The following GLIS3 variants were observed in gnomAD, a reference collection of about 807,000 sequenced individuals.
GLIS3 encodes GLIS family zinc finger 3, also known as zinc finger protein GLIS3.
Under a neutral mutation model 78.6 loss-of-function variants are expected in GLIS3, and 53 were observed. The observed-to-expected ratio is 0.67, with a 90% confidence interval of 0.54 to 0.85. GLIS3 has a LOEUF of 0.85. Among genes scored for constraint, GLIS3 ranks in the 40% least tolerant of loss-of-function variants. The pLI is 0.00. For synonymous variants in GLIS3, 684 were observed against 509.9 expected (o/e 1.34, Z -4.60); for missense variants, 1,703 against 1,231.1 (o/e 1.38, Z -5.74).
intron 2 of GLIS3, among the ~76,000 whole-genome samples, chr9:4,318,811 C>T (rs1452197424): frequency 6.6e-6 from 1 of 152,178 alleles, no homozygotes; most frequent in Non-Finnish European, 1.5e-5. Context: ...TGTTGGTGAA[C>T]AGGATATTTT....
At chr9:4,021,739 G>T (rs1380457099) in intron 4 of GLIS3, among the ~76,000 whole-genome samples, 1 of 152,148 alleles carries the variant, frequency 6.6e-6, no homozygotes, top group Non-Finnish European at 1.5e-5. Flanking sequence ...GAAGTATCCA[G>T]GTATTCTGTC....
At chr9:4,273,199 T>C (rs1336711882) in intron 2 of GLIS3, among the ~76,000 whole-genome samples, 9 of 151,988 alleles carry the variant, frequency 5.9e-5, no homozygotes, top group Non-Finnish European at 1.0e-4. Flanking sequence ...GGCCTTCTTG[T>C]GCAGCGCAGT....
intron 2 of GLIS3, among the ~76,000 whole-genome samples, chr9:4,257,740 AT>A (rs1433968502): frequency 2.6e-5 from 4 of 151,534 alleles, no homozygotes; most frequent in African/African-American, 9.7e-5. Context: ...CGCCCGGCTA[AT>A]TTTTTTTATT....
At chr9:4,206,719 G>T (rs1819914398) in intron 2 of GLIS3, among the ~76,000 whole-genome samples, 1 of 152,192 alleles carries the variant, frequency 6.6e-6, no homozygotes, top group Non-Finnish European at 1.5e-5. Context: ...GAAAAATGCA[G>T]AATTGTGGTA....
At chr9:4,234,634 C>T (rs1822552549) in intron 2 of GLIS3, among the ~76,000 whole-genome samples, 1 of 152,092 alleles carries the variant, frequency 6.6e-6, no homozygotes, top group Non-Finnish European at 1.5e-5. Flanking sequence ...GACACAGAGA[C>T]ATGAAGTGAG....
chr9:4,287,908 T>C (rs2130359730), intron 1 of GLIS3, among the ~76,000 whole-genome samples: 1 of 152,354 alleles, frequency 6.6e-6, no homozygotes, highest in South Asian at 2.1e-4. Context: ...ATATAAAATG[T>C]AGAATGTTTT....
chr9:4,423,450 C>G, the GLIS3 span, among the ~76,000 whole-genome samples: 1 of 152,140 alleles, frequency 6.6e-6, no homozygotes, highest in Non-Finnish European at 1.5e-5. Context: ...TCCCACACCC[C>G]TCCCCCAGAC....
chr9:4,128,102 C>G (rs1200060655), intron 2 of GLIS3, among the ~76,000 whole-genome samples: 1 of 152,206 alleles, frequency 6.6e-6, no homozygotes, highest in African/African-American at 2.4e-5. Flanking sequence ...CTAATGTGAT[C>G]ACTGAAACAT....
chr9:4,116,213 G>C (rs964546085), intron 4 of GLIS3, among the ~76,000 whole-genome samples: 3 of 152,322 alleles, frequency 2.0e-5, no homozygotes, highest in East Asian at 3.9e-4. Context: ...TTTCAGCCAG[G>C]ATTAGTCAGA....
At chr9:4,037,813 T>C (rs868114223) in intron 4 of GLIS3, among the ~76,000 whole-genome samples, 3 of 152,346 alleles carry the variant, frequency 2.0e-5, no homozygotes, top group Non-Finnish European at 2.9e-5. Flanking sequence ...AATGTTCAAG[T>C]CTTTTTTTAA....
intron 2 of GLIS3, among the ~76,000 whole-genome samples, chr9:4,258,460 A>G (rs1825190684): frequency 1.3e-5 from 2 of 152,216 alleles, no homozygotes; most frequent in Admixed American, 1.3e-4. Context: ...CCTGCTAGGA[A>G]GTGTTGGGAA....
In GLIS3 at chr9:4,278,209, T is replaced by C. The variant is rs577021242; in HGVS notation, c.388+7829A>G. Among the ~76,000 whole-genome samples the C allele has an allele frequency of 2.7e-3, 406 of 152,320 alleles. 2 individuals carry two copies. Among genetic ancestry groups the C allele is most frequent in the African/African-American group, 9.5e-3 (393 of 41,570 alleles). On this transcript the variant is annotated intron_variant, in intron 2 of 10. Transcript: ENST00000381971. ...TATTTTAATTGGAACTCACTATCTTTCTCTAATATATTTCCTAACTCTGTC... is the reference window on the plus strand; with the variant it reads ...TATTTTAATTGGAACTCACTATCTTCCTCTAATATATTTCCTAACTCTGTC...
At chr9:4,044,419 CAT>C (rs1825082008) in intron 4 of GLIS3, among the ~76,000 whole-genome samples, 1 of 152,206 alleles carries the variant, frequency 6.6e-6, no homozygotes, top group Non-Finnish European at 1.5e-5. Flanking sequence ...AAAATTAACA[CAT>C]AGTCTCTCTC....
At chr9:4,413,324 A>G in the GLIS3 span, among the ~76,000 whole-genome samples, 1 of 152,220 alleles carries the variant, frequency 6.6e-6, no homozygotes, top group African/African-American at 2.4e-5. Context: ...TGTGTTTAAT[A>G]TGACTGTAAG....
chr9:4,353,780 T>C, the GLIS3 span, among the ~76,000 whole-genome samples: 2 of 152,288 alleles, frequency 1.3e-5, no homozygotes, highest in Non-Finnish European at 1.5e-5. Context: ...TTCTGAATTA[T>C]ATGTGTTGAA....
chr9:3,920,927 T>C (rs930991673), intron 6 of GLIS3, among the ~76,000 whole-genome samples: 1 of 152,210 alleles, frequency 6.6e-6, no homozygotes, highest in Non-Finnish European at 1.5e-5. Context: ...CTTTTGAGTC[T>C]CCTTTTTCAA....
intron 2 of GLIS3, among the ~76,000 whole-genome samples, chr9:4,126,912 T>C (rs1158265067): frequency 1.3e-5 from 2 of 152,210 alleles, no homozygotes; most frequent in Non-Finnish European, 2.9e-5. Flanking sequence ...ATCTTTTTCA[T>C]TGATATATTT....
rs73641301 is a variant in GLIS3 at position 4,063,865 on chromosome 9, G to C, written c.1710+53903C>G. Among the ~76,000 whole-genome samples, 1,367 of 152,272 alleles carry C rather than the reference G, an allele frequency of 9.0e-3. 24 individuals carry two copies. The highest frequency in any genetic ancestry group is 0.031 in the African/African-American group (1,305 of 41,546). ...GTATAATGGGATCTCATCTCATTCA[G>C]TGTACGTGTGTGAGTTCCCAATATT... On this transcript the variant is annotated intron_variant, in intron 4 of 10. Coordinates refer to ENST00000381971, the MANE Select transcript of GLIS3 (RefSeq NM_001042413.2).
intron 6 of GLIS3, among the ~76,000 whole-genome samples, chr9:3,916,430 TC>T (rs1824518302): frequency 6.6e-6 from 1 of 152,214 alleles, no homozygotes; most frequent in Non-Finnish European, 1.5e-5. Flanking sequence ...GCGCCAACTC[TC>T]TAATCAGGTT....
Sources: gnomAD v4.1 joint callset for allele counts (sites outside exome capture counted in the v4.1 genomes callset) on GRCh38, gnomAD v4.1.1 for gene constraint, MANE v1.5 for transcripts, NCBI Gene and HGNC (gene_info 2026-07-23, HGNC 2026-07-21) for gene names.